PCDHGB5: variants seen among roughly 807,000 people sequenced by gnomAD.
PCDHGB5 encodes protocadherin gamma subfamily B, 5.
A neutral mutation model predicts 62.9 loss-of-function variants in PCDHGB5; 48 were observed. The observed-to-expected ratio is 0.76, with a 90% confidence interval of 0.61 to 0.97. The LOEUF is 0.97. Among genes scored for constraint, PCDHGB5 ranks in the 50% least tolerant of loss-of-function variants. The pLI is 0.00. For missense variants in PCDHGB5, 1,118 were observed against 1,198.6 expected (o/e 0.93, Z 0.99); for synonymous variants, 474 against 511.2 (o/e 0.93, Z 0.98).
chr5:141,433,408 A>T lies in PCDHGB5; in HGVS notation c.2397+32884A>T, dbSNP rs1052180455. On this transcript the variant is annotated intron_variant, in intron 1 of 3. Coordinates refer to ENST00000617380, the MANE Select transcript of PCDHGB5 (RefSeq NM_018925.3). Reference sequence around the variant, plus strand: ...CTATCTATCTATCTATCTATCTATTACTTTCTTGTACAGACAGGAGTCTCA... The same window carrying T: ...CTATCTATCTATCTATCTATCTATTTCTTTCTTGTACAGACAGGAGTCTCA... 4.2e-3 allele frequency among the ~76,000 whole-genome samples: 537 copies of T among 127,344 alleles called. 4 individuals carry two copies. The highest frequency in any genetic ancestry group is 0.015 in the African/African-American group (523 of 34,010). 83.5% of individuals were successfully genotyped at this position (127,344 alleles called of 152,430 possible). A position where few individuals can be genotyped will look rare whatever the true frequency, so the allele number is the denominator to read the frequency against.
At chr5:141,406,729 C>A (rs1051103218) in intron 1 of PCDHGB5, among the ~76,000 whole-genome samples, 1 of 152,200 alleles carries the variant, frequency 6.6e-6, no homozygotes, top group Non-Finnish European at 1.5e-5. Context: ...GTTTCTAAGA[C>A]TGGACACTGT....
intron 1 of PCDHGB5, chr5:141,421,565 A>T (rs1373619696): frequency 1.2e-6 from 2 of 1,613,834 alleles, no homozygotes; most frequent in Admixed American, 3.3e-5. Context: ...CTCGTGGAAG[A>T]CACCTTGAAG....
rs1467163302 is a variant in PCDHGB5 at position 141,399,694 on chromosome 5, A to G, written c.1567A>G (p.Thr523Ala). 3 of 1,613,454 alleles carry G rather than the reference A, an allele frequency of 1.9e-6. No individual in the cohort carries two copies. The highest frequency in any genetic ancestry group is 1.7e-5 in the Admixed American group (1 of 60,018). Residue 523 changes from threonine to alanine, a missense_variant, in exon 1 of 4, where the codon ACC becomes GCC. This residue lies in a region of PCDHGB5 where 1,034 missense variants were observed against 1,029.1 expected (regional missense o/e 1.00). Coordinates refer to ENST00000617380, the MANE Select transcript of PCDHGB5 (RefSeq NM_018925.3). ...QRAFDYEQLR[T>A]FELTLQARDQ... ...CGCCTTTGACTACGAGCAGCTGCGCACCTTCGAACTCACACTACAGGCCCG... is the reference window on the plus strand; with the variant it reads ...CGCCTTTGACTACGAGCAGCTGCGCGCCTTCGAACTCACACTACAGGCCCG...
chr5:141,460,275 A>G (rs2154566824), intron 1 of PCDHGB5, among the ~76,000 whole-genome samples: 1 of 152,098 alleles, frequency 6.6e-6, no homozygotes, highest in East Asian at 1.9e-4. Context: ...TTTTTCTTTT[A>G]TAGTTTGTAT....
intron 1 of PCDHGB5, among the ~76,000 whole-genome samples, chr5:141,480,689 C>A (rs1266042791): frequency 6.6e-6 from 1 of 152,126 alleles, no homozygotes; most frequent in Non-Finnish European, 1.5e-5. Flanking sequence ...AATTCTGAAA[C>A]CCAGGCCACA....
At position 141,399,354 on chromosome 5, in the gene PCDHGB5, G is replaced by A. The variant is rs559321354; in HGVS notation, c.1227G>A (p.Glu409=). The A allele has an allele frequency of 3.7e-6, 6 of 1,614,008 alleles. No homozygotes were observed. The Admixed American group carries it at 1.0e-4, about 27-fold the overall frequency. The change falls in exon 1 of 4, where the codon GAG becomes GAA. Residue 409 remains glutamate (E), a synonymous_variant. Coordinates refer to ENST00000617380, the MANE Select transcript of PCDHGB5 (RefSeq NM_018925.3). ...KLVTDGTLDR[E]QTPEYNVTIT... ...TAACAGATGGAACCCTAGACCGAGA[G>A]CAAACCCCGGAGTACAATGTCACCA...
At chr5:141,421,678 G>T in intron 1 of PCDHGB5, 3 of 1,613,892 alleles carry the variant, frequency 1.9e-6, no homozygotes, top group Non-Finnish European at 2.5e-6. Context: ...AATTCCTGGG[G>T]CGCGATTTGC....
chr5:141,421,203 G>T, intron 1 of PCDHGB5: 1 of 1,522,612 alleles, frequency 6.6e-7, no homozygotes, highest in Non-Finnish European at 8.8e-7. Flanking sequence ...TCGAGAAACC[G>T]CGGAATATCG....
chr5:141,415,521 G>T lies in PCDHGB5; in HGVS notation c.2397+14997G>T, dbSNP rs1357538686. 2.5e-6 allele frequency: 4 copies of T among 1,614,070 alleles called. No individual in the cohort carries two copies. The African/African-American group carries it at 5.3e-5, about 22-fold the overall frequency. Reference sequence around the variant, plus strand: ...TCCCCCAGCCCAATTATGCGGACACGCTCATCAGCCAGGAGAGCTGTGAGA... The same window carrying T: ...TCCCCCAGCCCAATTATGCGGACACTCTCATCAGCCAGGAGAGCTGTGAGA... On this transcript the variant is annotated intron_variant, in intron 1 of 3. Coordinates refer to ENST00000617380, the MANE Select transcript of PCDHGB5 (RefSeq NM_018925.3).
In PCDHGB5 at chr5:141,511,548, A is replaced by C; in HGVS notation, c.*375A>C. 3.3e-6 allele frequency: 1 copy of C among 306,952 alleles called. No homozygotes were observed. The highest frequency in any genetic ancestry group is 6.3e-6 in the Non-Finnish European group (1 of 158,248). 19.0% of individuals were successfully genotyped at this position (306,952 alleles called of 1,614,324 possible). ...CCTCCCTCCTCCCCACCCCACTCCA[A>C]CAGTTCCTCTTTCCCGAGTAAGGTG... is the stretch of plus-strand genomic sequence containing the variant. On this transcript the variant is annotated 3_prime_UTR_variant, in exon 4 of 4. Transcript: ENST00000617380.
chr5:141,454,691 C>T (rs745856768), intron 1 of PCDHGB5, among the ~76,000 whole-genome samples: 5 of 152,038 alleles, frequency 3.3e-5, no homozygotes, highest in Non-Finnish European at 5.9e-5. Flanking sequence ...CAGGCATGAG[C>T]CACCATGCTC....
chr5:141,496,377 G>A (rs1413938730), intron 2 of PCDHGB5, among the ~76,000 whole-genome samples: 1 of 152,114 alleles, frequency 6.6e-6, no homozygotes, highest in Non-Finnish European at 1.5e-5. Flanking sequence ...CAGGAGCTTG[G>A]GCCACCTTAC....
intron 1 of PCDHGB5, chr5:141,405,413 T>C: frequency 6.4e-7 from 1 of 1,561,606 alleles, no homozygotes; most frequent in South Asian, 1.2e-5. Context: ...TTTTCTTTTT[T>C]TGTTTTTTGT....
chr5:141,413,747 A>C, intron 1 of PCDHGB5: 1 of 1,613,348 alleles, frequency 6.2e-7, no homozygotes. Flanking sequence ...AGCCGTGCCA[A>C]TGGCGTCAAG....
chr5:141,504,351 G>A (rs77439649), intron 2 of PCDHGB5, among the ~76,000 whole-genome samples: 2 of 152,010 alleles, frequency 1.3e-5, no homozygotes, highest in African/African-American at 4.8e-5. Context: ...CTTTGTGCTA[G>A]GTGCTTCAGT....
intron 1 of PCDHGB5, chr5:141,427,231 G>A (rs1561827383): frequency 2.2e-6 from 1 of 456,612 alleles, no homozygotes; most frequent in African/African-American, 2.0e-5. Flanking sequence ...TATACCATGA[G>A]AGTAGAAGCT....
At chr5:141,433,362 T>C (rs1285511534) in intron 1 of PCDHGB5, 6 of 299,814 alleles carry the variant, frequency 2.0e-5, no homozygotes, top group Non-Finnish European at 2.5e-5. Flanking sequence ...TGTCTGCCTA[T>C]CTATCTATCT....
chr5:141,436,140 A>G (rs1324666699), intron 1 of PCDHGB5, among the ~76,000 whole-genome samples: 2 of 152,224 alleles, frequency 1.3e-5, no homozygotes, highest in Non-Finnish European at 2.9e-5. Flanking sequence ...TCTTGTATGA[A>G]CTACCAAAAT....
chr5:141,490,251 A>G lies in PCDHGB5; in HGVS notation c.2398-4556A>G, dbSNP rs1479384008. ...CCATGGAGGGCCACTGTGTGATTCA[A>G]GTGGATGTGGGGGATGTCAATGACA... is the stretch of plus-strand genomic sequence containing the variant. On this transcript the variant is annotated intron_variant, in intron 1 of 3. Coordinates refer to ENST00000617380, the MANE Select transcript of PCDHGB5 (RefSeq NM_018925.3). This position sits in a 1 kb window ranked among gnomAD's most constrained non-coding sequence, Gnocchi z 5.4. 6.2e-7 allele frequency: 1 copy of G among 1,614,210 alleles called. No homozygotes were observed. Among genetic ancestry groups the G allele is most frequent in the Non-Finnish European group, 8.5e-7 (1 of 1,180,036 alleles).
Sources: gnomAD v4.1 joint callset for allele counts (sites outside exome capture counted in the v4.1 genomes callset) on GRCh38, gnomAD v4.1.1 for gene constraint, gnomAD v4.1.1 regional missense constraint, Gnocchi (gnomAD v3.1) non-coding constraint, MANE v1.5 for transcripts, NCBI Gene and HGNC (gene_info 2026-07-23, HGNC 2026-07-21) for gene names.